Variants in AFTPH observed in about 807,000 individuals in gnomAD.
AFTPH encodes aftiphilin, also known as aftiphilin protein.
Under a neutral mutation model 72.5 loss-of-function variants are expected in AFTPH, and 7 were observed. The ratio of observed to expected loss-of-function variants is 0.10; its 90% CI spans 0.05 to 0.18. AFTPH has a LOEUF of 0.18. Ranked by LOEUF, AFTPH falls within the 10% of genes least tolerant of loss-of-function variation. AFTPH has a pLI of 1.00. For missense variants in AFTPH, 979 were observed against 1,060.5 expected, an observed-to-expected ratio of 0.92 and a Z score of 1.07; for synonymous variants, 337 against 370.1, an observed-to-expected ratio of 0.91 and a Z score of 1.03.
chr2:64,580,004 T>TTTAATATTTTATAGAGCAC (rs1166893372), intron 7 of AFTPH: 1 of 153,244 alleles, frequency 6.5e-6, no homozygotes, highest in Non-Finnish European at 1.5e-5. Flanking sequence ...AGTTTTTAGA[T>TTTAATATTTTATAGAGCAC]TTAATATTTT....
At chr2:64,580,541 G>A (rs376987046) in intron 7 of AFTPH, 1 of 152,516 alleles carries the variant, frequency 6.6e-6, no homozygotes, top group Non-Finnish European at 1.5e-5. Flanking sequence ...CTGTTGTCTG[G>A]TGTCTTCAGT....
intron 2 of AFTPH, among the ~76,000 whole-genome samples, chr2:64,565,758 A>G (rs1444858652): frequency 6.6e-6 from 1 of 152,206 alleles, no homozygotes; most frequent in Non-Finnish European, 1.5e-5. Flanking sequence ...CTCCTGCTCT[A>G]TCTTATTCAA....
At chr2:64,590,745 A>T (rs1438335234) in intron 8 of AFTPH, among the ~76,000 whole-genome samples, 1 of 152,242 alleles carries the variant, frequency 6.6e-6, no homozygotes, top group Non-Finnish European at 1.5e-5. Context: ...TAGTCCTAAA[A>T]GTCGTTGGAT....
intron 6 of AFTPH, among the ~76,000 whole-genome samples, chr2:64,576,060 C>G (rs1028512204): frequency 4.2e-5 from 6 of 142,306 alleles, no homozygotes; most frequent in Non-Finnish European, 7.6e-5. Context: ...TCTTACCACT[C>G]TTCTTTGGCA....
chr2:64,567,827 G>A (rs1247195000), intron 3 of AFTPH, 114 bp downstream of exon 3: 17 of 1,180,830 alleles, frequency 1.4e-5, no homozygotes, highest in Non-Finnish European at 1.9e-5. Flanking sequence ...GATCACCTGA[G>A]GTCAGGAGTT....
In AFTPH at chr2:64,577,795, G is replaced by A. The variant is rs566071867; in HGVS notation, c.2395-1691G>A. Among the ~76,000 whole-genome samples, 14 of 152,326 alleles carry A rather than the reference G, an allele frequency of 9.2e-5. No individual in the cohort carries two copies. In the East Asian group the frequency reaches 2.5e-3, roughly 27 times the overall value. On this transcript the variant is annotated intron_variant, in intron 6 of 8. Coordinates refer to ENST00000238856, the Ensembl canonical transcript of AFTPH. ...TATAGATTCATAGGAAGTTGCAACT[G>A]TAGTACAGAGAAGTCCCTTGTACCC...
At chr2:64,576,140 CGT>C (rs35888182) in intron 6 of AFTPH, among the ~76,000 whole-genome samples, 50,782 of 134,576 alleles carry the variant, frequency 0.38, 9,254 homozygotes, top group South Asian at 0.42. Flanking sequence ...AAATGAAATA[CGT>C]GTGTGTGTGT....
intron 6 of AFTPH, among the ~76,000 whole-genome samples, chr2:64,575,839 A>G (rs1186091414): frequency 6.6e-6 from 1 of 151,182 alleles, no homozygotes. Flanking sequence ...CCCGGGTTCA[A>G]GTGATTCTCC....
At chr2:64,578,371 G>A (rs1439343505) in intron 6 of AFTPH, among the ~76,000 whole-genome samples, 2 of 151,838 alleles carry the variant, frequency 1.3e-5, no homozygotes, top group Non-Finnish European at 2.9e-5. Context: ...TAAAATACAG[G>A]TTATTTTAAC....
At chr2:64,566,170 C>G (rs939440318) in intron 2 of AFTPH, among the ~76,000 whole-genome samples, 4 of 152,182 alleles carry the variant, frequency 2.6e-5, no homozygotes, top group Non-Finnish European at 5.9e-5. Flanking sequence ...TCTGTTGAGG[C>G]AAGTGAGAGC....
chr2:64,566,490 A>G (rs1672099090), intron 2 of AFTPH, among the ~76,000 whole-genome samples: 1 of 152,040 alleles, frequency 6.6e-6, no homozygotes, highest in Non-Finnish European at 1.5e-5. Context: ...TGTTTTTGTT[A>G]CTTGGCAGGA....
At chr2:64,580,236 G>C (rs138513567) in intron 7 of AFTPH, 1 of 152,584 alleles carries the variant, frequency 6.6e-6, no homozygotes, top group Non-Finnish European at 1.5e-5. Context: ...GTTTTAAGTG[G>C]ATCCCAAGAT....
chr2:64,528,759 A>G (rs1030823262), intron 1 of AFTPH, among the ~76,000 whole-genome samples: 2 of 152,134 alleles, frequency 1.3e-5, no homozygotes, highest in African/African-American at 4.8e-5. Flanking sequence ...AGTAGTACAA[A>G]TTGTGATCAG....
intron 2 of AFTPH, among the ~76,000 whole-genome samples, chr2:64,566,875 C>T (rs1298506720): frequency 6.6e-6 from 1 of 151,158 alleles, no homozygotes; most frequent in African/African-American, 2.4e-5. Context: ...GTATTCTATT[C>T]AAAAATATAC....
At position 64,578,514 on chromosome 2, in the gene AFTPH, TTA is replaced by T. The variant is rs375784354; in HGVS notation, c.2395-968_2395-967del. 1.3e-3 allele frequency among the ~76,000 whole-genome samples: 198 copies of T among 152,222 alleles called. 1 individual carries two copies. Among genetic ancestry groups the T allele is most frequent in the African/African-American group, 4.2e-3 (174 of 41,524 alleles). On this transcript the variant is annotated intron_variant, in intron 6 of 8. Coordinates refer to ENST00000238856, the Ensembl canonical transcript of AFTPH. ...ATCTTAAATTTACCATTTGCTTATT[TTA>T]TATGTTTGACAGTTACGAAATTTAA...
chr2:64,537,958 G>A (rs1336002249), intron 1 of AFTPH, among the ~76,000 whole-genome samples: 1 of 152,156 alleles, frequency 6.6e-6, no homozygotes, highest in African/African-American at 2.4e-5. Context: ...AATTGGATGA[G>A]ATGGAAAGAA....
intron 2 of AFTPH, among the ~76,000 whole-genome samples, chr2:64,567,317 C>T (rs1672146173): frequency 6.6e-6 from 1 of 152,110 alleles, no homozygotes; most frequent in Admixed American, 6.5e-5. Context: ...TGTAAAGTAG[C>T]AGGTATATTG....
At chr2:64,546,822 C>G (rs1376902429) in intron 1 of AFTPH, among the ~76,000 whole-genome samples, 8 of 149,178 alleles carry the variant, frequency 5.4e-5, no homozygotes, top group African/African-American at 2.0e-4. Context: ...ATCACGAGGT[C>G]AGGAGATCGA....
chr2:64,586,252 T>C (rs1673496369), intron 8 of AFTPH, among the ~76,000 whole-genome samples: 1 of 152,250 alleles, frequency 6.6e-6, no homozygotes, highest in Admixed American at 6.5e-5. Context: ...AAATCACTAG[T>C]GCAAAAGCAA....
Sources: allele counts gnomAD v4.1 joint callset (sites outside exome capture counted in the v4.1 genomes callset), GRCh38; gene constraint gnomAD v4.1.1; transcripts MANE v1.5; gene names NCBI Gene and HGNC (gene_info 2026-07-23, HGNC 2026-07-21).